Variants in SAXO1 observed in about 807,000 individuals in gnomAD.
The protein encoded by SAXO1 is 4930500O09Rik.
SAXO1 carries 21 observed loss-of-function variants against 17.5 expected under a neutral mutation model. That is an observed-to-expected ratio of 1.20 (90% CI 0.85 to 1.72). The LOEUF is 1.72. SAXO1 is among the 40% of genes most tolerant of loss of function. The probability of loss-of-function intolerance (pLI) is 0.00; values close to 1 mark genes in which losing one functional copy is unlikely to be tolerated. For synonymous variants in SAXO1, 274 were observed against 216.5 expected (o/e 1.27, Z -2.33); for missense variants, 843 against 596.0 (o/e 1.41, Z -4.32).
chr9:19,044,133 T>C (rs995143307), intron 1 of SAXO1, among the ~76,000 whole-genome samples: 1 of 119,310 alleles, frequency 8.4e-6, no homozygotes, highest in African/African-American at 3.9e-5. Context: ...AGTGAGACTC[T>C]GTCTTAAAAA....
chr9:18,965,571 C>T (rs1056547780), intron 1 of SAXO1, among the ~76,000 whole-genome samples: 1 of 138,064 alleles, frequency 7.2e-6, no homozygotes, highest in Non-Finnish European at 1.5e-5. Flanking sequence ...ATTGCAACCC[C>T]TGCTTTTTTT....
chr9:18,942,756 C>A (rs1452313415), intron 2 of SAXO1, among the ~76,000 whole-genome samples: 3 of 152,210 alleles, frequency 2.0e-5, no homozygotes, highest in African/African-American at 7.2e-5. Flanking sequence ...CACCAGGAAC[C>A]GCCCTAAGGA....
At position 19,019,229 on chromosome 9, in the gene SAXO1, C is replaced by T. The variant is rs193259442; in HGVS notation, c.38+13642G>A. On this transcript the variant is annotated intron_variant, in intron 1 of 3. Transcript: ENST00000380534. ...GCTCTCTGTAGAAGCCTTTCAAGTCCGATGATCATATTAAAATAAATGCTC... is the reference window on the plus strand; with the variant it reads ...GCTCTCTGTAGAAGCCTTTCAAGTCTGATGATCATATTAAAATAAATGCTC... Among the ~76,000 whole-genome samples, 10 of 152,204 alleles carry T rather than the reference C, an allele frequency of 6.6e-5. No individual in the cohort carries two copies. The South Asian group carries it at 1.2e-3, about 19-fold the overall frequency.
At chr9:19,002,872 T>C (rs974631058) in intron 1 of SAXO1, among the ~76,000 whole-genome samples, 1 of 152,192 alleles carries the variant, frequency 6.6e-6, no homozygotes, top group Non-Finnish European at 1.5e-5. Flanking sequence ...CTATTCAGCA[T>C]AGTATTGGAA....
At chr9:18,929,878 A>G (rs1203418036) in intron 3 of SAXO1, among the ~76,000 whole-genome samples, 1 of 152,220 alleles carries the variant, frequency 6.6e-6, no homozygotes, top group Non-Finnish European at 1.5e-5. Flanking sequence ...TCTGGTTCTA[A>G]CAGTTAGGGA....
At chr9:19,038,704 T>C (rs944387419) in intron 1 of SAXO1, among the ~76,000 whole-genome samples, 7 of 151,478 alleles carry the variant, frequency 4.6e-5, no homozygotes, top group African/African-American at 1.7e-4. Flanking sequence ...CATGTATACA[T>C]ATGTAACTAA....
At chr9:18,929,914 T>G (rs1292972476) in intron 3 of SAXO1, among the ~76,000 whole-genome samples, 2 of 152,226 alleles carry the variant, frequency 1.3e-5, no homozygotes, top group Non-Finnish European at 2.9e-5. Context: ...CGGTCAATTG[T>G]GCTCAAGTCT....
chr9:19,048,634 C>G (rs1171478414), intron 1 of SAXO1, among the ~76,000 whole-genome samples: 2 of 152,228 alleles, frequency 1.3e-5, no homozygotes, highest in Non-Finnish European at 2.9e-5. Context: ...GGCAAATAGA[C>G]CGCAGCAAGA....
At chr9:18,977,475 G>C (rs772906533) in intron 1 of SAXO1, among the ~76,000 whole-genome samples, 1 of 152,152 alleles carries the variant, frequency 6.6e-6, no homozygotes, top group Admixed American at 6.5e-5. Flanking sequence ...GCTTACAGAG[G>C]TTAAATCATC....
At chr9:19,040,545 G>A (rs141229934) in intron 1 of SAXO1, among the ~76,000 whole-genome samples, 3,970 of 152,116 alleles carry the variant, frequency 0.026, 75 homozygotes, top group Non-Finnish European at 0.042. Flanking sequence ...CTGGGAGGCT[G>A]AGGCATGAGA....
intron 3 of SAXO1, among the ~76,000 whole-genome samples, chr9:18,936,826 T>C (rs539086340): frequency 4.1e-4 from 63 of 152,360 alleles, no homozygotes; most frequent in Non-Finnish European, 7.1e-4. Flanking sequence ...GCACAGTGTT[T>C]TGAAAATGTC....
At chr9:18,970,939 G>GC (rs1296213810) in intron 1 of SAXO1, among the ~76,000 whole-genome samples, 1 of 152,098 alleles carries the variant, frequency 6.6e-6, no homozygotes. Context: ...CAGTGCCAAG[G>GC]TCTCCCTGTG....
At chr9:18,975,537 G>A (rs998150422) in intron 1 of SAXO1, among the ~76,000 whole-genome samples, 5 of 152,160 alleles carry the variant, frequency 3.3e-5, no homozygotes, top group Non-Finnish European at 1.5e-5. Flanking sequence ...TTTAACAGGT[G>A]GCAGTTATGA....
intron 1 of SAXO1, among the ~76,000 whole-genome samples, chr9:18,974,632 T>C (rs939799002): frequency 1.3e-5 from 2 of 152,178 alleles, no homozygotes; most frequent in African/African-American, 4.8e-5. Context: ...AATTTGAGTA[T>C]TAAAATAAAT....
intron 3 of SAXO1, among the ~76,000 whole-genome samples, chr9:18,930,967 G>A (rs13289607): frequency 0.12 from 17,766 of 152,254 alleles, 1,311 homozygotes; most frequent in East Asian, 0.24. Context: ...TGCTTCCCAG[G>A]AGCCTTGGGT....
At chr9:18,952,037 T>C (rs1230108587) in intron 1 of SAXO1, among the ~76,000 whole-genome samples, 1 of 152,220 alleles carries the variant, frequency 6.6e-6, no homozygotes, top group Non-Finnish European at 1.5e-5. Context: ...AGCTTTTCCA[T>C]TTTACTTGCA....
chr9:19,033,681 C>T (rs1358802354), upstream of SAXO1, among the ~76,000 whole-genome samples: 2 of 152,224 alleles, frequency 1.3e-5, no homozygotes, highest in East Asian at 1.9e-4. Context: ...GCCTTCACTG[C>T]TCAGGTGGGT....
At chr9:19,038,786 A>G (rs1031216168) in intron 1 of SAXO1, among the ~76,000 whole-genome samples, 5 of 152,118 alleles carry the variant, frequency 3.3e-5, no homozygotes, top group African/African-American at 1.2e-4. Flanking sequence ...ATGGCTGTGT[A>G]TGTGCAGCCA....
chr9:19,044,102 G>C (rs1836145894), intron 1 of SAXO1, among the ~76,000 whole-genome samples: 1 of 151,458 alleles, frequency 6.6e-6, no homozygotes, highest in African/African-American at 2.4e-5. Flanking sequence ...TCATGCCACT[G>C]CACTCCAGCC....
Sources: allele counts gnomAD v4.1 joint callset (sites outside exome capture counted in the v4.1 genomes callset), GRCh38; gene constraint gnomAD v4.1.1; transcripts MANE v1.5; gene names NCBI Gene and HGNC (gene_info 2026-07-23, HGNC 2026-07-21).